The following NRG3 variants were observed in gnomAD, a reference collection of about 807,000 sequenced individuals.
NRG3 encodes pro-neuregulin-3, membrane-bound isoform.
In NRG3, 31 loss-of-function variants were observed where a neutral mutation model predicts 66.9. That is an observed-to-expected ratio of 0.46 (90% CI 0.35 to 0.63). The LOEUF (loss-of-function observed/expected upper bound fraction) is 0.63, where lower values mean the gene tolerates loss of function less well. NRG3 is among the 20% of genes least tolerant of loss of function. NRG3 has a pLI of 0.00. For synonymous variants in NRG3, 393 were observed against 359.4 expected (o/e 1.09, Z -1.06); for missense variants, 910 against 878.9 (o/e 1.04, Z -0.45).
chr10:81,995,726 G>A (rs1455833813), intron 1 of NRG3, among the ~76,000 whole-genome samples: 1 of 152,148 alleles, frequency 6.6e-6, no homozygotes, highest in African/African-American at 2.4e-5. Flanking sequence ...ATGTTGGGGT[G>A]AATGATAGAC....
chr10:82,415,552 G>T (rs779905682), intron 2 of NRG3, among the ~76,000 whole-genome samples: 8 of 152,122 alleles, frequency 5.3e-5, no homozygotes, highest in Non-Finnish European at 8.8e-5. Flanking sequence ...AAATAATTTT[G>T]ATTTTGATGT....
chr10:82,486,345 C>A (rs1054968076), intron 2 of NRG3, among the ~76,000 whole-genome samples: 4 of 151,888 alleles, frequency 2.6e-5, no homozygotes, highest in African/African-American at 9.7e-5. Context: ...TCATAGTAGT[C>A]AAGAGGTAGA....
rs1446835315 is a variant in NRG3 at position 81,875,515 on chromosome 10, G to A, written c.175G>A (p.Val59Met). Reference protein sequence around the residue: ...PRELRCSDCIVWNRQQTWLCV... With the variant: ...PRELRCSDCIMWNRQQTWLCV... The stretch of plus-strand genomic sequence containing the variant: ...GGAGTTACGCTGTAGCGACTGCATC[G>A]TGTGGAACCGGCAGCAGACGTGGCT... The change falls in exon 1 of 9, where the codon GTG (valine) becomes ATG (methionine). Residue 59 changes from valine to methionine, a missense_variant. By Grantham distance (21) the Val-to-Met change is conservative. Transcript: ENST00000372141. The surrounding 1 kb of genome is among the most constrained non-coding windows in gnomAD (Gnocchi z 5.3). 36 of 1,610,140 alleles carry A rather than the reference G, an allele frequency of 2.2e-5. No individual in the cohort carries two copies. The highest frequency in any genetic ancestry group is 3.0e-5 in the Non-Finnish European group (35 of 1,178,866).
At chr10:82,614,063 C>G (rs2048482685) in intron 2 of NRG3, among the ~76,000 whole-genome samples, 1 of 151,986 alleles carries the variant, frequency 6.6e-6, no homozygotes, top group Non-Finnish European at 1.5e-5. Context: ...CCATGCCTGG[C>G]TCATTTATGT....
chr10:82,104,410 T>C (rs1375981853), intron 1 of NRG3, among the ~76,000 whole-genome samples: 2 of 151,896 alleles, frequency 1.3e-5, no homozygotes, highest in Non-Finnish European at 2.9e-5. Flanking sequence ...GAAAAGAGAG[T>C]GGGATACAAA....
intron 2 of NRG3, among the ~76,000 whole-genome samples, chr10:82,660,177 CAA>C (rs2052219454): frequency 1.5e-5 from 1 of 68,788 alleles, no homozygotes; most frequent in Non-Finnish European, 2.8e-5. Context: ...GTGTGGGCGA[CAA>C]GAGCAAAACT....
At chr10:82,071,390 AG>A (rs1391943412) in intron 1 of NRG3, among the ~76,000 whole-genome samples, 2 of 152,160 alleles carry the variant, frequency 1.3e-5, no homozygotes, top group African/African-American at 4.8e-5. Flanking sequence ...GTGTTAGGGA[AG>A]GCTTAGTGAT....
Position 82,119,838 on chromosome 10 carries a change from A to C in NRG3, c.824-238901A>C, listed in dbSNP as rs187769196. ...TACAGTATTTCTAAAATTTGGAATGACGTTTCTGAAAACACGAGCACCTCT... is the reference window on the plus strand; with the variant it reads ...TACAGTATTTCTAAAATTTGGAATGCCGTTTCTGAAAACACGAGCACCTCT... On this transcript the variant is annotated intron_variant, in intron 1 of 8. Transcript: ENST00000372141. Among the ~76,000 whole-genome samples, 3 of 152,196 alleles carry C rather than the reference A, an allele frequency of 2.0e-5. No individual in the cohort carries two copies. The East Asian group carries it at 5.8e-4, about 30-fold the overall frequency.
chr10:82,589,752 C>T (rs1213280495), intron 2 of NRG3, among the ~76,000 whole-genome samples: 1 of 152,136 alleles, frequency 6.6e-6, no homozygotes, highest in Non-Finnish European at 1.5e-5. Context: ...CTCACACTAC[C>T]ACAGGATTCA....
At chr10:82,824,758 C>A (rs901666469) in intron 3 of NRG3, among the ~76,000 whole-genome samples, 3 of 151,400 alleles carry the variant, frequency 2.0e-5, no homozygotes, top group Admixed American at 1.3e-4. Flanking sequence ...ACTCTGTCAC[C>A]CAGGCTTTAG....
intron 2 of NRG3, among the ~76,000 whole-genome samples, chr10:82,535,886 TA>T (rs1847762932): frequency 6.7e-6 from 1 of 148,334 alleles, no homozygotes; most frequent in African/African-American, 2.5e-5. Context: ...AAAATGCAAA[TA>T]TTTTTTAAAG....
At chr10:82,210,389 T>C (rs992081735) in intron 1 of NRG3, among the ~76,000 whole-genome samples, 9 of 152,272 alleles carry the variant, frequency 5.9e-5, no homozygotes, top group Middle Eastern at 3.4e-3. Context: ...GCTATGTGAC[T>C]TGAAATTTAA....
chr10:82,356,192 G>A (rs2135560343), intron 1 of NRG3, among the ~76,000 whole-genome samples: 2 of 152,270 alleles, frequency 1.3e-5, no homozygotes, highest in South Asian at 4.1e-4. Flanking sequence ...TTGTCAGATG[G>A]AAATTAATTG....
intron 1 of NRG3, among the ~76,000 whole-genome samples, chr10:82,339,189 G>C (rs1392389737): frequency 2.0e-5 from 3 of 152,172 alleles, no homozygotes; most frequent in Admixed American, 2.0e-4. Flanking sequence ...CTAGTTGCCT[G>C]TTTTAAACAA....
intron 2 of NRG3, among the ~76,000 whole-genome samples, chr10:82,482,216 T>A (rs1842328499): frequency 6.6e-6 from 1 of 152,154 alleles, no homozygotes; most frequent in African/African-American, 2.4e-5. Flanking sequence ...ACCACAACTG[T>A]TTTTATTAAA....
chr10:82,726,085 C>A (rs934834808), intron 2 of NRG3, among the ~76,000 whole-genome samples: 3 of 152,108 alleles, frequency 2.0e-5, no homozygotes, highest in Non-Finnish European at 4.4e-5. Context: ...GGGTCTGCAA[C>A]CCAAGGAGAG....
At chr10:82,801,375 T>A (rs1041165335) in intron 3 of NRG3, among the ~76,000 whole-genome samples, 3 of 152,162 alleles carry the variant, frequency 2.0e-5, no homozygotes, top group African/African-American at 7.2e-5. Flanking sequence ...TCCTTATGTG[T>A]TGGCAAGATA....
intron 2 of NRG3, among the ~76,000 whole-genome samples, chr10:82,616,651 T>C (rs2048671373): frequency 6.6e-6 from 1 of 152,230 alleles, no homozygotes; most frequent in African/African-American, 2.4e-5. Context: ...TTGTTTTTCT[T>C]ATAGCATTTT....
chr10:82,877,666 G>A (rs1042562680), intron 4 of NRG3, among the ~76,000 whole-genome samples: 2 of 151,358 alleles, frequency 1.3e-5, no homozygotes, highest in African/African-American at 4.9e-5. Context: ...TGGGATTACA[G>A]GCATGAGCCA....
Sources: gnomAD v4.1 joint callset for allele counts (sites outside exome capture counted in the v4.1 genomes callset) on GRCh38, gnomAD v4.1.1 for gene constraint, Gnocchi (gnomAD v3.1) non-coding constraint, MANE v1.5 for transcripts, NCBI Gene and HGNC (gene_info 2026-07-23, HGNC 2026-07-21) for gene names.